Variants in ACOXL observed in about 807,000 individuals in gnomAD.
The protein encoded by ACOXL is acyl-coenzyme A oxidase-like protein.
A neutral mutation model predicts 71.9 loss-of-function variants in ACOXL; 70 were observed. The observed-to-expected ratio is 0.97, with a 90% confidence interval of 0.80 to 1.19. The LOEUF is 1.19. ACOXL is among the 50% of genes most tolerant of loss of function. The pLI is 0.00. For synonymous variants in ACOXL, 253 were observed against 281.6 expected, an observed-to-expected ratio of 0.90 and a Z score of 1.02; for missense variants, 703 against 736.3, an observed-to-expected ratio of 0.95 and a Z score of 0.52.
chr2:111,037,635 C>T (rs913601232), intron 15 of ACOXL, among the ~76,000 whole-genome samples: 2 of 152,152 alleles, frequency 1.3e-5, no homozygotes, highest in Non-Finnish European at 2.9e-5. Context: ...AATGCTTGGC[C>T]CTTGTAATTT....
At chr2:110,802,594 G>C (rs763560249) in intron 8 of ACOXL, among the ~76,000 whole-genome samples, 1 of 152,102 alleles carries the variant, frequency 6.6e-6, no homozygotes, top group Non-Finnish European at 1.5e-5. Flanking sequence ...AAAATGATTG[G>C]TATGACAAAC....
chr2:110,906,372 T>C (rs546625579), intron 10 of ACOXL, among the ~76,000 whole-genome samples: 1 of 151,806 alleles, frequency 6.6e-6, no homozygotes, highest in Non-Finnish European at 1.5e-5. Context: ...ACCCCGTCTC[T>C]ACCAAAAATG....
intron 10 of ACOXL, among the ~76,000 whole-genome samples, chr2:110,856,968 T>C (rs577613254): frequency 3.9e-5 from 6 of 152,368 alleles, no homozygotes; most frequent in African/African-American, 1.2e-4. Flanking sequence ...TCTTATTCAT[T>C]CTTCATTCAT....
intron 10 of ACOXL, among the ~76,000 whole-genome samples, chr2:110,843,186 G>A (rs2105770938): frequency 6.6e-6 from 1 of 152,330 alleles, no homozygotes; most frequent in South Asian, 2.1e-4. Context: ...CTCTAGTTCA[G>A]TGACAAGCTT....
intron 12 of ACOXL, among the ~76,000 whole-genome samples, chr2:110,955,894 T>TC (rs1423062297): frequency 2.7e-5 from 4 of 150,574 alleles, no homozygotes; most frequent in Admixed American, 6.6e-5. Flanking sequence ...TCACAGAACC[T>TC]CCCTGCCCCC....
intron 12 of ACOXL, among the ~76,000 whole-genome samples, chr2:110,956,772 A>G (rs1554004): frequency 0.12 from 18,245 of 152,266 alleles, 1,248 homozygotes; most frequent in Middle Eastern, 0.17. Flanking sequence ...TATTAAATGT[A>G]ATCATATAGT....
At chr2:111,097,359 A>G (rs1287031053) in intron 17 of ACOXL, among the ~76,000 whole-genome samples, 1 of 152,228 alleles carries the variant, frequency 6.6e-6, no homozygotes, top group Non-Finnish European at 1.5e-5. Flanking sequence ...CTGAGGCCCA[A>G]AGTGGCCAAG....
intron 12 of ACOXL, among the ~76,000 whole-genome samples, chr2:110,976,026 G>C (rs1220977617): frequency 6.6e-6 from 1 of 152,150 alleles, no homozygotes; most frequent in Non-Finnish European, 1.5e-5. Flanking sequence ...GAAAATTCTT[G>C]AGATATGAAG....
intron 16 of ACOXL, among the ~76,000 whole-genome samples, chr2:111,073,632 T>C (rs1338643875): frequency 6.6e-6 from 1 of 152,216 alleles, no homozygotes; most frequent in East Asian, 1.9e-4. Flanking sequence ...ACGTGTATAT[T>C]TCTCAACCAC....
intron 12 of ACOXL, among the ~76,000 whole-genome samples, chr2:110,986,323 T>C (rs2062930463): frequency 6.6e-6 from 1 of 152,252 alleles, no homozygotes; most frequent in African/African-American, 2.4e-5. Flanking sequence ...GAATCAGCTA[T>C]CTATTGATTT....
chr2:110,879,611 A>G (rs746404000), intron 10 of ACOXL, among the ~76,000 whole-genome samples: 5 of 152,174 alleles, frequency 3.3e-5, no homozygotes, highest in Non-Finnish European at 7.3e-5. Flanking sequence ...ACTGCCATCA[A>G]ATGTTGAAAT....
intron 8 of ACOXL, among the ~76,000 whole-genome samples, chr2:110,804,868 T>G (rs369967369): frequency 3.5e-4 from 53 of 152,274 alleles, no homozygotes; most frequent in African/African-American, 1.3e-3. Context: ...GGGTGGGGTT[T>G]CTTTTTGGGG....
chr2:111,108,203 C>A (rs1288797585), intron 17 of ACOXL, among the ~76,000 whole-genome samples: 1 of 151,888 alleles, frequency 6.6e-6, no homozygotes, highest in Non-Finnish European at 1.5e-5. Context: ...GAAAGTTACC[C>A]TTTAAATAAA....
intron 9 of ACOXL, among the ~76,000 whole-genome samples, chr2:110,816,422 A>C (rs1366674363): frequency 2.6e-5 from 4 of 152,220 alleles, no homozygotes; most frequent in Admixed American, 2.6e-4. Flanking sequence ...ATCATGAATT[A>C]AATCTTTAGA....
chr2:110,839,919 T>C (rs34918196), intron 9 of ACOXL, among the ~76,000 whole-genome samples: 9,212 of 152,258 alleles, frequency 0.061, 398 homozygotes, highest in Middle Eastern at 0.12. Flanking sequence ...GATCTTAAGC[T>C]TAAGGTGCAA....
At chr2:110,798,507 CG>C in intron 5 of ACOXL, 102 bp from the exon 6 acceptor site, 1 of 866,662 alleles carries the variant, frequency 1.2e-6, no homozygotes, top group Non-Finnish European at 1.9e-6. Flanking sequence ...CCACCCACCT[CG>C]GCCCCCCAAA....
At chr2:110,853,845 C>A (rs1371454151) in intron 10 of ACOXL, among the ~76,000 whole-genome samples, 1 of 151,850 alleles carries the variant, frequency 6.6e-6, no homozygotes, top group Non-Finnish European at 1.5e-5. Flanking sequence ...TGTACTATTC[C>A]CCATCTTCCT....
chr2:111,007,986 C>G (rs1174842682), intron 14 of ACOXL, among the ~76,000 whole-genome samples: 1 of 152,186 alleles, frequency 6.6e-6, no homozygotes, highest in African/African-American at 2.4e-5. Context: ...TTTGCTCACC[C>G]CCTGTGTACA....
intron 10 of ACOXL, among the ~76,000 whole-genome samples, chr2:110,904,313 A>G (rs888224468): frequency 6.6e-6 from 1 of 152,158 alleles, no homozygotes; most frequent in African/African-American, 2.4e-5. Context: ...CAGCCAGCAC[A>G]CCAGTGTCTG....
Sources: allele counts gnomAD v4.1 joint callset (sites outside exome capture counted in the v4.1 genomes callset), GRCh38; gene constraint gnomAD v4.1.1; transcripts MANE v1.5; gene names NCBI Gene and HGNC (gene_info 2026-07-23, HGNC 2026-07-21).